The following CXCL13 variants were observed in gnomAD, a reference collection of about 807,000 sequenced individuals.
CXCL13 encodes the protein C-X-C motif chemokine 13.
Under a neutral mutation model 12.2 loss-of-function variants are expected in CXCL13, and 7 were observed. The ratio of observed to expected loss-of-function variants is 0.57; its 90% CI spans 0.33 to 1.07. The LOEUF (loss-of-function observed/expected upper bound fraction) is 1.07. Among genes scored for constraint, CXCL13 ranks in the 50% least tolerant of loss-of-function variants. CXCL13 has a pLI of 0.04. For missense variants in CXCL13, 113 were observed against 127.4 expected, an observed-to-expected ratio of 0.89 and a Z score of 0.55; for synonymous variants, 47 against 42.4, an observed-to-expected ratio of 1.11 and a Z score of -0.42.
chr4:77,541,633 A>T (rs551701686), intron 1 of CXCL13, among the ~76,000 whole-genome samples: 1 of 152,154 alleles, frequency 6.6e-6, no homozygotes, highest in Non-Finnish European at 1.5e-5. Flanking sequence ...TGTAGTTTGA[A>T]GTCAGGTAGT....
intron 1 of CXCL13, among the ~76,000 whole-genome samples, chr4:77,584,659 T>C (rs1486359934): frequency 2.6e-5 from 4 of 152,002 alleles, no homozygotes; most frequent in East Asian, 3.9e-4. Context: ...GTGAGCTGAG[T>C]TGGGAGAAGG....
At chr4:77,520,295 T>C (rs1302625814) in intron 1 of CXCL13, among the ~76,000 whole-genome samples, 2 of 152,200 alleles carry the variant, frequency 1.3e-5, no homozygotes, top group Non-Finnish European at 2.9e-5. Flanking sequence ...AACCTATAAA[T>C]TACCTTGGGC....
chr4:77,518,428 A>T (rs1188971358), intron 1 of CXCL13, among the ~76,000 whole-genome samples: 1 of 152,214 alleles, frequency 6.6e-6, no homozygotes, highest in African/African-American at 2.4e-5. Context: ...ACTTTCAGGT[A>T]CACCAATGAG....
intron 1 of CXCL13, among the ~76,000 whole-genome samples, chr4:77,572,475 C>T (rs1373986157): frequency 2.0e-5 from 3 of 151,700 alleles, no homozygotes; most frequent in Non-Finnish European, 4.4e-5. Flanking sequence ...GGTCAACAAT[C>T]GTATGAAAAA....
intron 1 of CXCL13, among the ~76,000 whole-genome samples, chr4:77,522,015 C>G (rs1324487107): frequency 6.6e-6 from 1 of 152,062 alleles, no homozygotes; most frequent in Non-Finnish European, 1.5e-5. Flanking sequence ...TGTAGTTGTG[C>G]AGTTTTGAGT....
chr4:77,549,652 G>C (rs910866512), intron 1 of CXCL13, among the ~76,000 whole-genome samples: 4 of 152,122 alleles, frequency 2.6e-5, no homozygotes, highest in African/African-American at 9.7e-5. Flanking sequence ...GTTTGCCTGG[G>C]TATCACCAGC....
chr4:77,572,680 A>T (rs1726116282), intron 1 of CXCL13, among the ~76,000 whole-genome samples: 1 of 151,980 alleles, frequency 6.6e-6, no homozygotes, highest in Non-Finnish European at 1.5e-5. Context: ...GTGAAGTGAT[A>T]CCTTAAAGAC....
intron 1 of CXCL13, among the ~76,000 whole-genome samples, chr4:77,532,698 T>G (rs930365033): frequency 2.0e-5 from 3 of 152,230 alleles, no homozygotes; most frequent in Non-Finnish European, 4.4e-5. Context: ...AGACGTAGAT[T>G]TGATCTTTTC....
intron 1 of CXCL13, among the ~76,000 whole-genome samples, chr4:77,516,733 AT>A (rs1724430820): frequency 6.6e-6 from 1 of 151,614 alleles, no homozygotes; most frequent in South Asian, 2.1e-4. Flanking sequence ...TGGTCTATCA[AT>A]TTTGTTGATC....
At chr4:77,603,416 G>T (rs1726934276), upstream of CXCL13, among the ~76,000 whole-genome samples, 1 of 152,192 alleles carries the variant, frequency 6.6e-6, no homozygotes, top group African/African-American at 2.4e-5. Context: ...GCTTGTACTG[G>T]CAAAGCCATA....
chr4:77,540,340 G>A (rs1725169514), intron 1 of CXCL13, among the ~76,000 whole-genome samples: 1 of 152,066 alleles, frequency 6.6e-6, no homozygotes, highest in African/African-American at 2.4e-5. Flanking sequence ...TTGAGTTTTG[G>A]GGTATGATTG....
At chr4:77,607,082 CAG>C (rs1727016626) in intron 1 of CXCL13, among the ~76,000 whole-genome samples, 2 of 152,160 alleles carry the variant, frequency 1.3e-5, no homozygotes, top group Admixed American at 1.3e-4. Flanking sequence ...GGGAGGATGG[CAG>C]AGAGTCTGAT....
At chr4:77,577,947 G>A (rs1022072530) in intron 1 of CXCL13, among the ~76,000 whole-genome samples, 21 of 152,066 alleles carry the variant, frequency 1.4e-4, no homozygotes, top group African/African-American at 4.8e-4. Context: ...TCACTTCACT[G>A]ATAGGTAATC....
At chr4:77,542,024 T>G (rs1408659957) in intron 1 of CXCL13, among the ~76,000 whole-genome samples, 1 of 152,158 alleles carries the variant, frequency 6.6e-6, no homozygotes. Context: ...ACTATTTGTG[T>G]ATAGAAATGC....
chr4:77,545,007 CT>C (rs972927074), intron 1 of CXCL13, among the ~76,000 whole-genome samples: 3 of 152,100 alleles, frequency 2.0e-5, no homozygotes, highest in Non-Finnish European at 1.5e-5. Flanking sequence ...ATAGGGAATC[CT>C]TTCCCCATTT....
upstream of CXCL13, among the ~76,000 whole-genome samples, chr4:77,604,248 AAC>A (rs1168858889): frequency 6.6e-6 from 1 of 151,946 alleles, no homozygotes; most frequent in African/African-American, 2.4e-5. Context: ...CCCTCTAATA[AAC>A]AGTCTTTCCT....
intron 1 of CXCL13, among the ~76,000 whole-genome samples, chr4:77,578,983 T>A (rs1414325116): frequency 2.0e-5 from 3 of 152,206 alleles, no homozygotes; most frequent in African/African-American, 7.2e-5. Context: ...GAAGGTGCAT[T>A]TTGAACTTCC....
At chr4:77,603,957 A>G (rs1180098093), upstream of CXCL13, among the ~76,000 whole-genome samples, 1 of 152,176 alleles carries the variant, frequency 6.6e-6, no homozygotes, top group African/African-American at 2.4e-5. Flanking sequence ...AAATTAAGTG[A>G]CCTGTCCAAA....
chr4:77,550,376 A>G (rs1725481876), intron 1 of CXCL13, among the ~76,000 whole-genome samples: 1 of 152,186 alleles, frequency 6.6e-6, no homozygotes. Flanking sequence ...CAATGAGACG[A>G]ACCCAGTATC....
Sources: allele counts gnomAD v4.1 joint callset (sites outside exome capture counted in the v4.1 genomes callset), GRCh38; gene constraint gnomAD v4.1.1; transcripts MANE v1.5; gene names NCBI Gene and HGNC (gene_info 2026-07-23, HGNC 2026-07-21).